Variants in DST observed in about 807,000 individuals in gnomAD.
DST encodes the protein bullous pemphigoid antigen.
Under a neutral mutation model 875.2 loss-of-function variants are expected in DST, and 253 were observed. The ratio of observed to expected loss-of-function variants is 0.29; its 90% CI spans 0.26 to 0.32. The LOEUF (loss-of-function observed/expected upper bound fraction) is 0.32, where lower values mean the gene tolerates loss of function less well. Ranked by LOEUF, DST falls within the 10% of genes least tolerant of loss-of-function variation. DST has a pLI of 1.00. For synonymous variants in DST, 3,124 were observed against 3,197.1 expected, an observed-to-expected ratio of 0.98 and a Z score of 0.77; for missense variants, 8,287 against 9,111.6, an observed-to-expected ratio of 0.91 and a Z score of 3.68.
chr6:56,633,200 TTTTTG>T (rs1563330997), intron 27 of DST, among the ~76,000 whole-genome samples, 163 bp from the exon 28 acceptor site: 1 of 151,702 alleles, frequency 6.6e-6, no homozygotes, highest in African/African-American at 2.4e-5. Context: ...AGGTGGTTTT[TTTTTG>T]TTTTTTGTTT....
intron 4 of DST, among the ~76,000 whole-genome samples, chr6:56,752,855 G>A (rs548790118): frequency 6.6e-6 from 1 of 151,974 alleles, no homozygotes; most frequent in Non-Finnish European, 1.5e-5. Flanking sequence ...GCAATGGCAC[G>A]ATCTCAGCTC....
chr6:56,617,672 G>A (rs546083855), intron 36 of DST, among the ~76,000 whole-genome samples: 40 of 152,234 alleles, frequency 2.6e-4, no homozygotes, highest in African/African-American at 9.4e-4. Flanking sequence ...CACAGAATAT[G>A]TTAGAAGTTA....
chr6:56,561,602 G>A, intron 56 of DST, 53 bp from the exon 57 acceptor site: 1 of 1,547,102 alleles, frequency 6.5e-7, no homozygotes, highest in Non-Finnish European at 8.7e-7. Flanking sequence ...ATTTGGAGCA[G>A]AGGTCTAGAA....
At chr6:56,507,011 A>C (rs1330851679) in intron 75 of DST, among the ~76,000 whole-genome samples, 1 of 152,238 alleles carries the variant, frequency 6.6e-6, no homozygotes, top group East Asian at 1.9e-4. Context: ...AAAGATATTT[A>C]AGAAATGATA....
At position 56,837,096 on chromosome 6, in the gene DST, C is replaced by T. The variant is rs183130218; in HGVS notation, c.625+14301G>A. Among the ~76,000 whole-genome samples, 15 of 152,130 alleles carry T rather than the reference C, an allele frequency of 9.9e-5. No individual in the cohort carries two copies. In the East Asian group the frequency reaches 2.3e-3, roughly 24 times the overall value. On this transcript the variant is annotated intron_variant, in intron 4 of 103. Transcript: ENST00000680361. ...CAGACTGATAAGGTATTACTTAAAG[C>T]GCTCTACATTAAATAGAGCATTCCA...
chr6:56,851,471 T>A lies in DST; in HGVS notation c.551A>T (p.His184Leu). ...TTGAATCTTTCTTTTCGATCTCTCA[T>A]GTTTAGGCAAATTCCAGGGTAAGGT... ...GDTLPWNLPKHERSKRKIQGG... is the reference protein window; with the variant it reads ...GDTLPWNLPKLERSKRKIQGG... The change falls in exon 4 of 104, where the codon CAT becomes CTT. Residue 184 changes from histidine (H) to leucine (L), a missense_variant. Transcript: ENST00000680361. 2 of 1,614,044 alleles carry A rather than the reference T, an allele frequency of 1.2e-6. No individual in the cohort carries two copies. The highest frequency in any genetic ancestry group is 1.7e-6 in the Non-Finnish European group (2 of 1,179,896).
chr6:56,526,241 T>A (rs1056121690), intron 69 of DST, 120 bp downstream of exon 69: 6 of 1,111,356 alleles, frequency 5.4e-6, no homozygotes, highest in African/African-American at 4.7e-5. Flanking sequence ...ATCCACTCTT[T>A]CATTTTGGAA....
At chr6:56,945,062 A>G (rs1818739452) in intron 2 of DST, among the ~76,000 whole-genome samples, 1 of 152,378 alleles carries the variant, frequency 6.6e-6, no homozygotes, top group Admixed American at 6.5e-5. Context: ...GAACTGCTCA[A>G]GCAAAGCCTG....
Position 56,498,159 on chromosome 6 carries a change from C to T in DST, c.19897-106G>A, listed in dbSNP as rs930540477. On this transcript the variant is annotated intron_variant, in intron 80 of 103. Transcript: ENST00000680361. The stretch of plus-strand genomic sequence containing the variant: ...GTTATGAAACATCCTCAAACAAAAA[C>T]GTTATATGTGTAGAATTTTAATTTT... 119 of 1,118,708 alleles carry T rather than the reference C, an allele frequency of 1.1e-4. 1 individual carries two copies. Among genetic ancestry groups the T allele is most frequent in the Middle Eastern group, 2.1e-4 (1 of 4,820 alleles). 69.3% of individuals were successfully genotyped at this position (1,118,708 alleles called of 1,614,324 possible).
intron 5 of DST, among the ~76,000 whole-genome samples, chr6:56,734,800 C>T (rs956906062): frequency 1.3e-5 from 2 of 152,208 alleles, no homozygotes; most frequent in African/African-American, 4.8e-5. Context: ...GTCTAGACTT[C>T]TGTCCCTACA....
At chr6:56,668,742 G>A (rs1311696122) in intron 10 of DST, among the ~76,000 whole-genome samples, 1 of 151,574 alleles carries the variant, frequency 6.6e-6, no homozygotes, top group Non-Finnish European at 1.5e-5. Flanking sequence ...CACTCTAGCC[G>A]GGGCAACAAG....
chr6:56,702,876 G>A (rs2099315902), intron 7 of DST, among the ~76,000 whole-genome samples: 1 of 152,114 alleles, frequency 6.6e-6, no homozygotes, highest in East Asian at 1.9e-4. Context: ...GAAGCCAAAG[G>A]TGCCATAAGA....
chr6:56,497,515 A>G lies in DST; in HGVS notation c.20095-8T>C, dbSNP rs1201329101. 5 of 1,612,066 alleles carry G rather than the reference A, an allele frequency of 3.1e-6. No homozygotes were observed. In the South Asian group the frequency reaches 5.5e-5, roughly 18 times the overall value. The stretch of plus-strand genomic sequence containing the variant: ...GCCATGGAACCCTTTGGCCTGAAGT[A>G]ATAGGCAGTTTTAAGTTGGGGCCAT... On this transcript the variant is annotated splice_polypyrimidine_tract_variant and splice_region_variant and intron_variant, in intron 81 of 103. Coordinates refer to ENST00000680361, the MANE Select transcript of DST (RefSeq NM_001374736.1).
In DST at chr6:56,634,480, G is replaced by A. The variant is rs150971786; in HGVS notation, c.3476C>T (p.Ala1159Val). The A allele has an allele frequency of 1.5e-5, 25 of 1,613,988 alleles. 1 individual carries two copies. Among genetic ancestry groups the A allele is most frequent in the African/African-American group, 1.2e-4 (9 of 74,906 alleles). ...CFTVPPPNKEAVDLANRIEQQ... is the reference protein window; with the variant it reads ...CFTVPPPNKEVVDLANRIEQQ... The stretch of plus-strand genomic sequence containing the variant: ...TACAAACCTGTTGGCAAGGTCCACC[G>A]CTTCTTTGTTTGGTGGAGGAACGGT... The change falls in exon 26 of 104, where the codon GCG becomes GTG. Residue 1159 changes from alanine to valine, a missense_variant. Physicochemically the swap from Ala to Val is moderately conservative, Grantham distance 64. Transcript: ENST00000680361.
At chr6:56,698,869 C>A (rs897441774) in intron 9 of DST, among the ~76,000 whole-genome samples, 3 of 152,062 alleles carry the variant, frequency 2.0e-5, no homozygotes, top group Admixed American at 6.5e-5. Flanking sequence ...GGGTATATTG[C>A]GTGATGTTGA....
intron 50 of DST, among the ~76,000 whole-genome samples, chr6:56,575,312 C>A (rs1042186534): frequency 3.3e-5 from 5 of 152,082 alleles, no homozygotes; most frequent in African/African-American, 1.2e-4. Context: ...CAGCATCATA[C>A]AATATACCTT....
At chr6:56,482,201 A>C (rs181113749) in intron 89 of DST, 23 bp from the exon 90 acceptor site, 137 of 1,587,924 alleles carry the variant, frequency 8.6e-5, no homozygotes, top group Admixed American at 1.0e-4. Context: ...ACACACACAC[A>C]CCCCAAACAA....
intron 5 of DST, among the ~76,000 whole-genome samples, chr6:56,706,475 G>A (rs536077868): frequency 5.9e-5 from 9 of 152,124 alleles, no homozygotes; most frequent in Non-Finnish European, 8.8e-5. Context: ...ATTTTCAAGG[G>A]CCTCTTCAGG....
In DST at chr6:56,489,542, A is replaced by G. The variant is rs576793883; in HGVS notation, c.20825T>C (p.Leu6942Pro). Residue 6942 changes from leucine to proline, a missense_variant, in exon 86 of 104, where the codon CTG becomes CCG. Leu to Pro is a moderately conservative substitution (Grantham distance 98, BLOSUM62 -3). Transcript: ENST00000680361. ...TTTGTCTGGATCATTTGCGATTTCC[A>G]GTTCAGAATCCAAAGACTTTTCTGA... ...EESEKSLDSE[L>P]EIANDPDKIK... is the part of the protein sequence containing the mutation. 6.2e-7 allele frequency: 1 copy of G among 1,613,230 alleles called. No individual in the cohort carries two copies. The highest frequency in any genetic ancestry group is 8.5e-7 in the Non-Finnish European group (1 of 1,179,484).
Sources: gnomAD v4.1 joint callset for allele counts (sites outside exome capture counted in the v4.1 genomes callset) on GRCh38, gnomAD v4.1.1 for gene constraint, MANE v1.5 for transcripts, NCBI Gene and HGNC (gene_info 2026-07-23, HGNC 2026-07-21) for gene names.